The following PLXNB3 variants were observed in gnomAD, a reference collection of about 807,000 sequenced individuals.
PLXNB3 encodes plexin B3, also known as plexin-B3.
In PLXNB3, 80 loss-of-function variants were observed where a neutral mutation model predicts 125.7. The observed-to-expected ratio is 0.64, with a 90% CI of 0.53 to 0.77. The LOEUF (loss-of-function observed/expected upper bound fraction) is 0.77. Ranked by LOEUF, PLXNB3 falls within the 30% of genes least tolerant of loss-of-function variation. The probability of loss-of-function intolerance (pLI) is 0.00; values close to 1 mark genes in which losing one functional copy is unlikely to be tolerated. For missense variants in PLXNB3, 1,836 were observed against 1,729.3 expected, an observed-to-expected ratio of 1.06 and a Z score of -1.09; for synonymous variants, 954 against 783.3, an observed-to-expected ratio of 1.22 and a Z score of -3.64.
At chrX:153,777,078 C>CGA (rs2092005469) in intron 29 of PLXNB3, 98 bp downstream of exon 29, 1 of 991,641 alleles carries the variant, frequency 1.0e-6, no homozygotes, top group African/African-American at 1.9e-5. Context: ...CCCACCCCAC[C>CGA]GAGATCTTCT....
At position 153,779,277 on chromosome X, in the gene PLXNB3, T is replaced by G. The variant is rs1603252079; in HGVS notation, c.*238T>G. 1.1e-5 allele frequency: 3 copies of G among 272,032 alleles called. No individual in the cohort carries two copies. The highest frequency in any genetic ancestry group is 9.0e-5 in the African/African-American group (3 of 33,295). 22.4% of individuals were successfully genotyped at this position (272,032 alleles called of 1,213,427 possible). On this transcript the variant is annotated 3_prime_UTR_variant, in exon 36 of 36. Transcript: ENST00000361971. ...TCCCCCTCCTTCCCCCTCTCCCCAT[T>G]GTATTTATTTGCCTGCTGGAAAATC...
intron 6 of PLXNB3, 78 bp from the exon 7 acceptor site, chrX:153,769,729 G>GC (rs2091904156): frequency 9.5e-7 from 1 of 1,057,782 alleles, no homozygotes; most frequent in Non-Finnish European, 1.3e-6. Context: ...AGCTGGGCCG[G>GC]CCTCCCCAGG....
At chrX:153,776,283 C>A in intron 27 of PLXNB3, 69 bp downstream of exon 27, 1 of 1,074,798 alleles carries the variant, frequency 9.3e-7, no homozygotes, top group East Asian at 3.1e-5. Flanking sequence ...TGGAGCCCCT[C>A]AACTGTGTCT....
chrX:153,767,371 G>A lies in PLXNB3; in HGVS notation c.544G>A (p.Gly182Ser), dbSNP rs868950741. 4.2e-6 allele frequency: 5 copies of A among 1,192,541 alleles called. No individual in the cohort carries two copies. Among genetic ancestry groups the A allele is most frequent in the East Asian group, 3.0e-5 (1 of 33,418 alleles). Residue 182 changes from glycine to serine, a missense_variant, in exon 3 of 36, where the codon GGC becomes AGC. Physicochemically the swap from Gly to Ser is moderately conservative, Grantham distance 56. Coordinates refer to ENST00000361971, the MANE Select transcript of PLXNB3 (RefSeq NM_005393.3). Reference sequence around the variant, plus strand: ...GGTGGGGCTGGTGGTGCCCTTGCCCGGCCGGGACCTCCTGCTTGTGGCCAG... The same window carrying A: ...GGTGGGGCTGGTGGTGCCCTTGCCCAGCCGGGACCTCCTGCTTGTGGCCAG... ...ATVGLVVPLP[G>S]RDLLLVARGL... is the part of the protein sequence containing the mutation.
Position 153,770,104 on chromosome X carries a change from G to A in PLXNB3, c.1642G>A (p.Val548Ile). Residue 548 changes from valine (V) to isoleucine (I), a missense_variant, in exon 8 of 36, where the codon GTC (valine) becomes ATC (isoleucine). By Grantham distance (29) the Val-to-Ile change is conservative. Coordinates refer to ENST00000361971, the MANE Select transcript of PLXNB3 (RefSeq NM_005393.3). ...RQEQGQVTLS[V>I]PRLPILDADE... is the part of the protein sequence containing the mutation. ...CGCTGCATCCCAGGTCACTTTGTCT[G>A]TCCCCCGGCTGCCCATCCTGGATGC... is the stretch of plus-strand genomic sequence containing the variant. 8.3e-7 allele frequency: 1 copy of A among 1,210,990 alleles called. No individual in the cohort carries two copies. The highest frequency in any genetic ancestry group is 1.1e-6 in the Non-Finnish European group (1 of 895,247).
At chrX:153,773,116 G>C in intron 17 of PLXNB3, 100 bp downstream of exon 17, 7 of 1,076,815 alleles carry the variant, frequency 6.5e-6, no homozygotes, top group Non-Finnish European at 8.7e-6. Context: ...ACCCCCAGTG[G>C]TCCCTGCCCT....
At chrX:153,768,074 T>C (rs934510913) in intron 3 of PLXNB3, among the ~76,000 whole-genome samples, 161 bp downstream of exon 3, 2 of 113,313 alleles carry the variant, frequency 1.8e-5, no homozygotes, top group African/African-American at 6.4e-5. Context: ...TCTTTCCACC[T>C]TTCTCCCTCT....
In PLXNB3 at chrX:153,777,374, C is replaced by T. The variant is rs149574587; in HGVS notation, c.5094C>T (p.Ser1698=). 8.4e-7 allele frequency: 1 copy of T among 1,197,016 alleles called. No individual in the cohort carries two copies. The highest frequency in any genetic ancestry group is 1.1e-6 in the Non-Finnish European group (1 of 885,596). The change falls in exon 30 of 36, where the codon TCC becomes TCT. Residue 1698 remains serine (S), a synonymous_variant. Coordinates refer to ENST00000361971, the MANE Select transcript of PLXNB3 (RefSeq NM_005393.3). ...IPEIYLTRLL[S]MKGTLQKFVD... ...AAATCTACCTCACCCGTCTGCTGTC[C>T]ATGAAGGTTGGTGCGGCCTGGGTGG...
chrX:153,765,785 G>A (rs1474510675), intron 2 of PLXNB3: 19 of 753,113 alleles, frequency 2.5e-5, no homozygotes, highest in Middle Eastern at 7.5e-4. Context: ...TCCTCCAGGC[G>A]CTGCTCTGCC....
chrX:153,768,818 TCC>T, intron 4 of PLXNB3, 128 bp from the exon 5 acceptor site: 2 of 751,453 alleles, frequency 2.7e-6, no homozygotes, highest in South Asian at 2.5e-5. Flanking sequence ...AAGTGATGTG[TCC>T]TCCCTCGATG....
chrX:153,771,103 C>T (rs1557061691), intron 12 of PLXNB3, 22 bp downstream of exon 12: 1 of 1,152,061 alleles, frequency 8.7e-7, no homozygotes, highest in African/African-American at 1.8e-5. Context: ...CCTTCCAAAC[C>T]CTCTTGCCCC....
rs375226965 is a variant in PLXNB3 at position 153,773,249 on chromosome X, G to C, written c.2926G>C (p.Glu976Gln). 2 of 1,208,773 alleles carry C rather than the reference G, an allele frequency of 1.7e-6. No individual in the cohort carries two copies. Among genetic ancestry groups the C allele is most frequent in the East Asian group, 3.0e-5 (1 of 33,820 alleles). ...PCPILEPVCP[E>Q]AIVCRTRPQA... The stretch of plus-strand genomic sequence containing the variant: ...CTGCAGCCTGGAGCCAGTGTGTCCG[G>C]AGGCCATCGTGTGCCGTACCAGGCC... Residue 976 changes from glutamate (E) to glutamine (Q), a missense_variant, in exon 18 of 36, where the codon GAG (glutamate) becomes CAG (glutamine). By Grantham distance (29) the Glu-to-Gln change is conservative. Transcript: ENST00000361971.
intron 17 of PLXNB3, 72 bp from the exon 18 acceptor site, chrX:153,773,158 C>A (rs1052016053): frequency 2.0e-4 from 216 of 1,102,760 alleles, no homozygotes; most frequent in Non-Finnish European, 2.1e-4. Context: ...GCTTCTCCTA[C>A]GGGGGTTGGG....
chrX:153,769,871 G>A lies in PLXNB3; in HGVS notation c.1561G>A (p.Glu521Lys), dbSNP rs2091907017. 4 of 1,206,028 alleles carry A rather than the reference G, an allele frequency of 3.3e-6. No individual in the cohort carries two copies. Among genetic ancestry groups the A allele is most frequent in the African/African-American group, 1.7e-5 (1 of 57,354 alleles). ...GAACCAGTGGCTGTGGAGTTATGAGGAGGACAGCCACTGCCTGCACATCCA... is the reference window on the plus strand; with the variant it reads ...GAACCAGTGGCTGTGGAGTTATGAGAAGGACAGCCACTGCCTGCACATCCA... ...QLNQWLWSYE[E>K]DSHCLHIQSL... Residue 521 changes from glutamate to lysine, a missense_variant, in exon 7 of 36, where the codon GAG becomes AAG. By Grantham distance (56) the Glu-to-Lys change is moderately conservative. Coordinates refer to ENST00000361971, the MANE Select transcript of PLXNB3 (RefSeq NM_005393.3).
At chrX:153,777,044 C>T in intron 29 of PLXNB3, 64 bp downstream of exon 29, 1 of 983,529 alleles carries the variant, frequency 1.0e-6, no homozygotes, top group Non-Finnish European at 1.4e-6. Flanking sequence ...AACTCCTGGC[C>T]ATGCATCTGC....
At position 153,776,010 on chromosome X, in the gene PLXNB3, G is replaced by A. The variant is rs984250524; in HGVS notation, c.4525G>A (p.Glu1509Lys). The A allele has an allele frequency of 7.5e-6, 9 of 1,206,170 alleles. No homozygotes were observed. Among genetic ancestry groups the A allele is most frequent in the African/African-American group, 1.7e-5 (1 of 57,485 alleles). The stretch of plus-strand genomic sequence containing the variant: ...CCTGAATGATAGCCGCTTGCTGCGG[G>A]AGGACGTGGAGTTCCAGCCCCTGAC... ...RTLNDSRLLR[E>K]DVEFQPLTLM... Residue 1509 changes from glutamate to lysine, a missense_variant, in exon 27 of 36, where the codon GAG becomes AAG. By Grantham distance (56) the Glu-to-Lys change is moderately conservative. Coordinates refer to ENST00000361971, the MANE Select transcript of PLXNB3 (RefSeq NM_005393.3).
At chrX:153,765,365 T>C in intron 1 of PLXNB3, 106 bp from the exon 2 acceptor site, 1 of 565,929 alleles carries the variant, frequency 1.8e-6, no homozygotes, top group Non-Finnish European at 2.9e-6. Flanking sequence ...CTGCCAGCTG[T>C]GAGGGAGCCC....
chrX:153,771,869 G>A lies in PLXNB3; in HGVS notation c.2523G>A (p.Glu841=). ...CCATCATTTGCCTGCTGCAGGTCGAGCCCCTGACCGGTCCCCCTGAGGGAG... is the reference window on the plus strand; with the variant it reads ...CCATCATTTGCCTGCTGCAGGTCGAACCCCTGACCGGTCCCCCTGAGGGAG... The part of the protein sequence containing the change: ...LCPAPSIDAV[E]PLTGPPEGGL... Residue 841 remains glutamate, a synonymous_variant, in exon 15 of 36, where the codon GAG becomes GAA. Coordinates refer to ENST00000361971, the MANE Select transcript of PLXNB3 (RefSeq NM_005393.3). The A allele has an allele frequency of 8.3e-7, 1 of 1,207,712 alleles. No homozygotes were observed. The highest frequency in any genetic ancestry group is 1.1e-6 in the Non-Finnish European group (1 of 894,512).
chrX:153,764,659 C>A (rs782104338), intron 1 of PLXNB3, among the ~76,000 whole-genome samples: 1 of 113,051 alleles, frequency 8.8e-6, no homozygotes, highest in African/African-American at 3.2e-5. Flanking sequence ...GAGCCTACTG[C>A]TGCCGTGCTG....
Sources: allele counts gnomAD v4.1 joint callset (sites outside exome capture counted in the v4.1 genomes callset), GRCh38; gene constraint gnomAD v4.1.1; transcripts MANE v1.5; gene names NCBI Gene and HGNC (gene_info 2026-07-23, HGNC 2026-07-21).